The following AGAP2 variants were observed in gnomAD, a reference collection of about 807,000 sequenced individuals.
The protein encoded by AGAP2 is ArfGAP with GTPase domain, ankyrin repeat and PH domain 2.
In AGAP2, 32 loss-of-function variants were observed where a neutral mutation model predicts 110.9. The observed-to-expected ratio is 0.29, with a 90% CI of 0.22 to 0.39. AGAP2 has a LOEUF of 0.39. AGAP2 is among the 10% of genes least tolerant of loss of function. AGAP2 has a pLI of 1.00. For missense variants in AGAP2, 1,285 were observed against 1,638.5 expected, an observed-to-expected ratio of 0.78 and a Z score of 3.72; for synonymous variants, 702 against 713.0, an observed-to-expected ratio of 0.98 and a Z score of 0.25.
Position 57,728,301 on chromosome 12 carries a change from G to A in AGAP2, c.2617+17C>T, listed in dbSNP as rs370700743. On this transcript the variant is annotated intron_variant, in intron 14 of 18. Coordinates refer to ENST00000547588, the MANE Select transcript of AGAP2 (RefSeq NM_001122772.3). ...TGCACCCCAGCTGAGCGCCCCTCCC[G>A]GCTCCCCACTTGTTACCTGCTTTAT... The A allele has an allele frequency of 1.9e-5, 30 of 1,613,196 alleles. No individual in the cohort carries two copies. Among genetic ancestry groups the A allele is most frequent in the Non-Finnish European group, 2.3e-5 (27 of 1,179,622 alleles).
Position 57,735,441 on chromosome 12 carries a change from A to C in AGAP2, c.1169-14T>G, listed in dbSNP as rs768768497. The C allele has an allele frequency of 6.2e-7, 1 of 1,612,918 alleles. No homozygotes were observed. The highest frequency in any genetic ancestry group is 1.7e-4 in the Middle Eastern group (1 of 5,966). Reference sequence around the variant, plus strand: ...TGATCACAGCCTCTGTAACGGGAGAAGGGCAGTAAGAGGGGAGGCTCCTGG... The same window carrying C: ...TGATCACAGCCTCTGTAACGGGAGACGGGCAGTAAGAGGGGAGGCTCCTGG... On this transcript the variant is annotated splice_polypyrimidine_tract_variant and intron_variant, in intron 1 of 18. Transcript: ENST00000547588.
intron 13 of AGAP2, among the ~76,000 whole-genome samples, chr12:57,728,871 G>A (rs1039465342): frequency 6.6e-6 from 1 of 152,102 alleles, no homozygotes; most frequent in African/African-American, 2.4e-5. Context: ...GAAAGTTATC[G>A]GGAGAAGGCC....
rs1387470457 is a variant in AGAP2 at position 57,726,362 on chromosome 12, T to A, written c.*190A>T. On this transcript the variant is annotated 3_prime_UTR_variant, in exon 19 of 19. Coordinates refer to ENST00000547588, the MANE Select transcript of AGAP2 (RefSeq NM_001122772.3). The surrounding 1 kb of genome is among the most constrained non-coding windows in gnomAD (Gnocchi z 5.7). ...CGTGTTGAGCTGGGGTCTCCATGCCTCGTTGGGGAGAGGGAGGTGAGTTTG... is the reference window on the plus strand; with the variant it reads ...CGTGTTGAGCTGGGGTCTCCATGCCACGTTGGGGAGAGGGAGGTGAGTTTG... 1 of 417,154 alleles carries A rather than the reference T, an allele frequency of 2.4e-6. No individual in the cohort carries two copies. Among genetic ancestry groups the A allele is most frequent in the Non-Finnish European group, 3.7e-6 (1 of 273,438 alleles). The allele number at this position is 417,154 out of a possible 1,614,324, so 25.8% of individuals were successfully genotyped here. A position where few individuals can be genotyped will look rare whatever the true frequency, so the allele number is the denominator to read the frequency against.
chr12:57,741,382 C>A (rs1021036398), upstream of AGAP2, among the ~76,000 whole-genome samples: 8 of 152,110 alleles, frequency 5.3e-5, no homozygotes, highest in Admixed American at 5.2e-4. Flanking sequence ...CTCTGCAGAG[C>A]ATAGTGTGTG....
intron 12 of AGAP2, 34 bp from the exon 13 acceptor site, chr12:57,729,801 C>T: frequency 6.4e-7 from 1 of 1,565,758 alleles, no homozygotes; most frequent in African/African-American, 1.4e-5. Flanking sequence ...CTCAGTAGCC[C>T]CCTCCACAGA....
chr12:57,737,902 C>A lies in AGAP2; in HGVS notation c.345G>T (p.Trp115Cys), dbSNP rs1955019999. ...AGAGCGGGGGTCCCGGAGGGACGGC[C>A]CAGAGGGAGAGGCGGCGGCCGGGAG... ...SPAPGRRLSL[W>C]AVPPGPPLSG... The change falls in exon 1 of 19, where the codon TGG (tryptophan) becomes TGT (cysteine). Residue 115 changes from tryptophan (W) to cysteine (C), a missense_variant. Trp to Cys is a radical substitution (Grantham distance 215, BLOSUM62 -2). Transcript: ENST00000547588. This position sits in a 1 kb window ranked among gnomAD's most constrained non-coding sequence, Gnocchi z 5.9. The A allele has an allele frequency of 2.1e-6, 3 of 1,397,206 alleles. No homozygotes were observed. In the East Asian group the frequency reaches 8.8e-5, roughly 41 times the overall value. The allele number at this position is 1,397,206 out of a possible 1,614,324, so 86.6% of individuals were successfully genotyped here.
In AGAP2 at chr12:57,737,122, G is replaced by T; in HGVS notation, c.1125C>A (p.Ser375Arg). Reference protein sequence around the residue: ...LPGPPSLSSGSGSRELLGAEL... With the variant: ...LPGPPSLSSGRGSRELLGAEL... The stretch of plus-strand genomic sequence containing the variant: ...CGGCGCCCAGCAGCTCCCTGGACCC[G>T]CTGCCAGAAGACAGGCTGGGGGGTC... The change falls in exon 1 of 19, where the codon AGC (serine) becomes AGA (arginine). Residue 375 changes from serine (S) to arginine (R), a missense_variant. Physicochemically the swap from Ser to Arg is moderately radical, Grantham distance 110. Coordinates refer to ENST00000547588, the MANE Select transcript of AGAP2 (RefSeq NM_001122772.3). The surrounding 1 kb of genome is among the most constrained non-coding windows in gnomAD (Gnocchi z 5.9). 6.4e-7 allele frequency: 1 copy of T among 1,566,490 alleles called. No homozygotes were observed. The highest frequency in any genetic ancestry group is 2.4e-5 in the East Asian group (1 of 42,450).
chr12:57,736,685 T>A (rs1457919478), intron 1 of AGAP2, among the ~76,000 whole-genome samples: 2 of 152,220 alleles, frequency 1.3e-5, no homozygotes, highest in African/African-American at 4.8e-5. Flanking sequence ...CAGGGGAAAC[T>A]GAGGCTTCCT....
chr12:57,726,794 A>G lies in AGAP2; in HGVS notation c.3337T>C (p.Tyr1113His). The G allele has an allele frequency of 7.0e-7, 1 of 1,423,324 alleles. No individual in the cohort carries two copies. 88.2% of individuals were successfully genotyped at this position (1,423,324 alleles called of 1,614,324 possible). A position where few individuals can be genotyped will look rare whatever the true frequency, so the allele number is the denominator to read the frequency against. Residue 1113 changes from tyrosine (Y) to histidine (H), a missense_variant and splice_region_variant, in exon 19 of 19, where the codon TAC becomes CAC. By Grantham distance (83) the Tyr-to-His change is moderately conservative. This residue lies in a region of AGAP2 where 201 missense variants were observed against 276.1 expected (regional missense o/e 0.73). Transcript: ENST00000547588. The surrounding 1 kb of genome is among the most constrained non-coding windows in gnomAD (Gnocchi z 5.7). ...HVVITQLLLW[Y>H]GADVAARDAQ... ...TCACGGGCCGCCACGTCCGCGCCGT[A>G]CTAGAGGGCGGAAACGGCCGCGTGA...
rs528704126 is a variant in AGAP2, at chr12:57,729,739, G to A, written c.2457C>T (p.Pro819=). 2.0e-5 allele frequency: 32 copies of A among 1,613,686 alleles called. No individual in the cohort carries two copies. In the South Asian group the frequency reaches 3.3e-4, roughly 17 times the overall value. The change falls in exon 13 of 19, where the codon CCC becomes CCT. Residue 819 remains proline, a synonymous_variant. Transcript: ENST00000547588. ...TDCTPSGDLS[P]LSREPPPSPM... ...GAGAAGGAGGGGGTTCCCGACTCAGGGGGCTCAGGTCTCCAGATGGGGTAC... is the reference window on the plus strand; with the variant it reads ...GAGAAGGAGGGGGTTCCCGACTCAGAGGGCTCAGGTCTCCAGATGGGGTAC...
intron 8 of AGAP2, 24 bp downstream of exon 8, chr12:57,731,785 G>A: frequency 6.4e-7 from 1 of 1,556,084 alleles, no homozygotes; most frequent in South Asian, 1.2e-5. Context: ...GGAGGATGGG[G>A]GTCAGCATGT....
rs1282346503 is a variant in AGAP2, at chr12:57,731,654, A to G, written c.1954-12T>C. 6.2e-7 allele frequency: 1 copy of G among 1,614,046 alleles called. No individual in the cohort carries two copies. ...CTACCCCGACGATTCTGGAATGGTT[A>G]TTGGAATCAGTTTGAGGATGGATAG... On this transcript the variant is annotated splice_polypyrimidine_tract_variant and intron_variant, in intron 8 of 18. Transcript: ENST00000547588.
chr12:57,738,205 G>C lies in AGAP2; in HGVS notation c.42C>G (p.Thr14=). 1.3e-6 allele frequency: 2 copies of C among 1,525,022 alleles called. No individual in the cohort carries two copies. The highest frequency in any genetic ancestry group is 1.8e-6 in the Non-Finnish European group (2 of 1,141,496). The allele number at this position is 1,525,022 out of a possible 1,614,324, so 94.5% of individuals were successfully genotyped here. A position where few individuals can be genotyped will look rare whatever the true frequency, so the allele number is the denominator to read the frequency against. ...TAACCAGGGTCAGCGAGATGAGGTA[G>C]GTCGTTGTCCGGCGCTGAAGCGCGC... ...GAGALQRRTT[T]YLISLTLVKL... The change falls in exon 1 of 19, where the codon ACC becomes ACG. Residue 14 remains threonine (T), a synonymous_variant. Coordinates refer to ENST00000547588, the MANE Select transcript of AGAP2 (RefSeq NM_001122772.3). The surrounding 1 kb of genome is among the most constrained non-coding windows in gnomAD (Gnocchi z 6.7).
chr12:57,734,394 G>A lies in AGAP2; in HGVS notation c.1326C>T (p.Tyr442=), dbSNP rs1268041337. The change falls in exon 4 of 19, where the codon TAC becomes TAT. Residue 442 remains tyrosine (Y), a synonymous_variant. Transcript: ENST00000547588. Reference sequence around the variant, plus strand: ...GTCCATCCACCAACATTTCTTTCTTGTACTGCTCACCTGTCCAGAAGAGTT... The same window carrying A: ...GTCCATCCACCAACATTTCTTTCTTATACTGCTCACCTGTCCAGAAGAGTT... ...QVLEKTESEQ[Y]KKEMLVDGQT... is the part of the protein sequence containing the mutation. 3 of 1,614,042 alleles carry A rather than the reference G, an allele frequency of 1.9e-6. No individual in the cohort carries two copies. The highest frequency in any genetic ancestry group is 2.5e-6 in the Non-Finnish European group (3 of 1,180,032).
intron 5 of AGAP2, among the ~76,000 whole-genome samples, chr12:57,733,824 C>A (rs1954929505): frequency 6.6e-6 from 1 of 152,166 alleles, no homozygotes; most frequent in African/African-American, 2.4e-5. Context: ...CCCTGGAGAT[C>A]CCCTTTTCTC....
At position 57,737,088 on chromosome 12, in the gene AGAP2, C is replaced by A. The variant is rs568808997; in HGVS notation, c.1159G>T (p.Ala387Ser). The change falls in exon 1 of 19, where the codon GCT becomes TCT. Residue 387 changes from alanine to serine, a missense_variant. Transcript: ENST00000547588. This position sits in a 1 kb window ranked among gnomAD's most constrained non-coding sequence, Gnocchi z 5.9. ...CCCTGACTCAACTCACTAGGGGAAG[C>A]GCGGAGCTCGGCGCCCAGCAGCTCC... ...SRELLGAELR[A>S]SPKAVINSQE... 6.5e-7 allele frequency: 1 copy of A among 1,538,524 alleles called. No individual in the cohort carries two copies. The highest frequency in any genetic ancestry group is 2.0e-5 in the Admixed American group (1 of 49,132).
chr12:57,730,238 G>A (rs1954859495), intron 12 of AGAP2: 1 of 505,844 alleles, frequency 2.0e-6, no homozygotes, highest in Non-Finnish European at 3.5e-6. Flanking sequence ...TGTTACAGAT[G>A]AGGAAACTGA....
rs1210793466 is a variant in AGAP2 at position 57,732,479 on chromosome 12, T to C, written c.1718A>G (p.Gln573Arg). 1.3e-6 allele frequency: 2 copies of C among 1,594,266 alleles called. No homozygotes were observed. The highest frequency in any genetic ancestry group is 2.3e-5 in the East Asian group (1 of 44,164). The change falls in exon 7 of 19, where the codon CAA becomes CGA. Residue 573 changes from glutamine to arginine, a missense_variant. Physicochemically the swap from Gln to Arg is conservative, Grantham distance 43. Transcript: ENST00000547588. The stretch of plus-strand genomic sequence containing the variant: ...GGACTTGCAGGCAGCCAGAAGCTGT[T>C]GCTGCTTGCGCAAGGTCACCACCTT... The part of the protein sequence containing the change: ...AQKVVTLRKQ[Q>R]QLLAACKSLP...
At chr12:57,728,447 A>C (rs1954817855) in intron 13 of AGAP2, 70 bp from the exon 14 acceptor site, 1 of 1,511,410 alleles carries the variant, frequency 6.6e-7, no homozygotes, top group Non-Finnish European at 9.2e-7. Flanking sequence ...ACCAAGAAAG[A>C]AGGAGAAAAA....
Sources: allele counts gnomAD v4.1 joint callset (sites outside exome capture counted in the v4.1 genomes callset), GRCh38; gene constraint gnomAD v4.1.1; regional missense constraint gnomAD v4.1.1; non-coding constraint Gnocchi (gnomAD v3.1); transcripts MANE v1.5; gene names NCBI Gene and HGNC (gene_info 2026-07-23, HGNC 2026-07-21).